Variants in IGF2R observed in about 807,000 individuals in gnomAD.
IGF2R encodes cation-independent mannose-6-phosphate receptor.
A neutral mutation model predicts 270.6 loss-of-function variants in IGF2R; 91 were observed. The ratio of observed to expected loss-of-function variants is 0.34; its 90% CI spans 0.28 to 0.40. The LOEUF (loss-of-function observed/expected upper bound fraction) is 0.40, where lower values mean the gene tolerates loss of function less well. Ranked by LOEUF, IGF2R falls within the 10% of genes least tolerant of loss-of-function variation. IGF2R has a pLI of 1.00. For synonymous variants in IGF2R, 1,316 were observed against 1,258.9 expected, an observed-to-expected ratio of 1.05 and a Z score of -0.96; for missense variants, 2,805 against 3,188.3, an observed-to-expected ratio of 0.88 and a Z score of 2.90.
chr6:159,993,869 T>C (rs1428762045), intron 2 of IGF2R, among the ~76,000 whole-genome samples: 1 of 152,142 alleles, frequency 6.6e-6, no homozygotes, highest in Non-Finnish European at 1.5e-5. Flanking sequence ...TTTGCATCTG[T>C]GTTCATTAGG....
chr6:160,064,610 C>T, intron 28 of IGF2R, 79 bp downstream of exon 28: 1 of 1,477,866 alleles, frequency 6.8e-7, no homozygotes, highest in Non-Finnish European at 9.3e-7. Flanking sequence ...AAGAATCTGT[C>T]CTCAGATCTC....
intron 9 of IGF2R, among the ~76,000 whole-genome samples, chr6:160,033,561 C>T (rs911152715): frequency 6.6e-6 from 1 of 152,234 alleles, no homozygotes; most frequent in Non-Finnish European, 1.5e-5. Context: ...TAGTAGACTT[C>T]GGCAAGTTGC....
chr6:160,044,348 C>T lies in IGF2R; in HGVS notation c.1622-166C>T, dbSNP rs8191786. Among the ~76,000 whole-genome samples the T allele has an allele frequency of 6.1e-3, 927 of 152,280 alleles. 10 individuals are homozygous for T. The highest frequency in any genetic ancestry group is 0.021 in the African/African-American group (873 of 41,564). ...ACGTGGCACTCTAGGGAAACCCATC[C>T]GCTGCCTTGGTGGGTTCAGGGGGCT... On this transcript the variant is annotated intron_variant, in intron 12 of 47. Coordinates refer to ENST00000356956, the MANE Select transcript of IGF2R (RefSeq NM_000876.4).
chr6:160,094,958 C>T (rs1779316801), intron 44 of IGF2R: 1 of 150,232 alleles, frequency 6.7e-6, no homozygotes, highest in Non-Finnish European at 1.5e-5. Flanking sequence ...TTTTGGTAAC[C>T]AACACTTCTC....
At position 160,079,484 on chromosome 6, in the gene IGF2R, A is replaced by G. The variant is rs1410689274; in HGVS notation, c.5479-96A>G. The G allele has an allele frequency of 8.3e-6, 7 of 844,518 alleles. No individual in the cohort carries two copies. The African/African-American group carries it at 1.1e-4, about 13-fold the overall frequency. The allele number at this position is 844,518 out of a possible 1,614,324, so 52.3% of individuals were successfully genotyped here. ...GAGGAGTCTTTGCTCTTCCTCATGA[A>G]CCTGCCTCCAGCATCAGCTGCAATA... On this transcript the variant is annotated intron_variant, in intron 37 of 47. Transcript: ENST00000356956.
At chr6:160,076,431 AC>A (rs1361009896) in intron 36 of IGF2R, among the ~76,000 whole-genome samples, 8 of 152,240 alleles carry the variant, frequency 5.3e-5, no homozygotes, top group Non-Finnish European at 1.2e-4. Context: ...ACAAAGTGGC[AC>A]CTTTTACTTA....
At chr6:160,076,039 T>C in intron 36 of IGF2R, 43 bp downstream of exon 36, 3 of 1,599,994 alleles carry the variant, frequency 1.9e-6, no homozygotes, top group South Asian at 2.2e-5. Context: ...AACTGCGGGT[T>C]AGTGAGCCAA....
Position 159,969,373 on chromosome 6 carries a change from G to T in IGF2R, c.127G>T (p.Ala43Ser). 1.6e-6 allele frequency: 2 copies of T among 1,282,498 alleles called. No individual in the cohort carries two copies. The highest frequency in any genetic ancestry group is 2.0e-6 in the Non-Finnish European group (2 of 1,013,672). The allele number at this position is 1,282,498 out of a possible 1,614,324, so 79.4% of individuals were successfully genotyped here. The change falls in exon 1 of 48, where the codon GCC becomes TCC. Residue 43 changes from alanine (A) to serine (S), a missense_variant. This residue lies in a region of IGF2R where 954 missense variants were observed against 981.1 expected (regional missense o/e 0.97). Coordinates refer to ENST00000356956, the MANE Select transcript of IGF2R (RefSeq NM_000876.4). ...CCCGGGGTCCACGCAGGCCCAGGCC[G>T]CCCCGTTCCCCGAGCTGTGCAGGTG... The part of the protein sequence containing the change: ...AAPGSTQAQA[A>S]PFPELCSYTW...
Position 160,094,187 on chromosome 6 carries a change from A to G in IGF2R, c.6656-2252A>G, listed in dbSNP as rs1010564457. The G allele has an allele frequency of 4.5e-5, 17 of 375,830 alleles. No individual in the cohort carries two copies. In the Admixed American group the frequency reaches 5.8e-4, roughly 13 times the overall value. The allele number at this position is 375,830 out of a possible 1,614,324, so 23.3% of individuals were successfully genotyped here. A position where few individuals can be genotyped will look rare whatever the true frequency, so the allele number is the denominator to read the frequency against. ...TGGTCTATAAACAGGGCGTTACAGA[A>G]TGGTACACCCAGTCTATTTCTTCTC... On this transcript the variant is annotated intron_variant, in intron 44 of 47. Coordinates refer to ENST00000356956, the MANE Select transcript of IGF2R (RefSeq NM_000876.4).
At chr6:160,093,341 T>G (rs1322018778) in intron 44 of IGF2R, 2 of 254,430 alleles carry the variant, frequency 7.9e-6, no homozygotes, top group Non-Finnish European at 1.5e-5. Context: ...AGGCCAGCCC[T>G]CTTTTTGGGC....
chr6:160,060,804 G>C lies in IGF2R; in HGVS notation c.3262+87G>C, dbSNP rs180896290. On this transcript the variant is annotated intron_variant, in intron 23 of 47. Transcript: ENST00000356956. ...TATGAAGGTGTGTTTCTGTGTGTAT[G>C]TATATTTGTGTGTGTGTGGTGTGTA... The C allele has an allele frequency of 2.6e-3, 3,326 of 1,295,996 alleles. 8 individuals carry two copies. Among genetic ancestry groups the C allele is most frequent in the Middle Eastern group, 5.1e-3 (21 of 4,084 alleles). The allele number at this position is 1,295,996 out of a possible 1,614,324, so 80.3% of individuals were successfully genotyped here.
chr6:160,010,616 TTCTCATTTTAAAGAA>T (rs1373970077), intron 3 of IGF2R, 56 bp from the exon 4 acceptor site: 4 of 984,796 alleles, frequency 4.1e-6, no homozygotes, highest in Non-Finnish European at 6.4e-6. Context: ...CTTTACTGCA[TTCTCATTTTAAAGAA>T]GAATCTTTAC....
chr6:160,044,221 T>G (rs902479741), intron 12 of IGF2R, among the ~76,000 whole-genome samples: 1 of 152,246 alleles, frequency 6.6e-6, no homozygotes, highest in African/African-American at 2.4e-5. Flanking sequence ...CCATTTGGTC[T>G]TTCTTGCCCT....
intron 1 of IGF2R, among the ~76,000 whole-genome samples, chr6:159,984,182 CGAGAA>C (rs1458485444): frequency 6.6e-6 from 1 of 152,154 alleles, no homozygotes; most frequent in East Asian, 1.9e-4. Flanking sequence ...ACATTAAAAA[CGAGAA>C]GAGAAGCGTT....
intron 3 of IGF2R, among the ~76,000 whole-genome samples, chr6:160,009,941 A>G (rs1381871931): frequency 6.6e-6 from 1 of 152,148 alleles, no homozygotes; most frequent in Admixed American, 6.6e-5. Flanking sequence ...AATATTGTTA[A>G]TTTTGGATCC....
chr6:160,045,235 A>G (rs538903897), intron 13 of IGF2R, among the ~76,000 whole-genome samples: 1 of 152,348 alleles, frequency 6.6e-6, no homozygotes, highest in African/African-American at 2.4e-5. Context: ...TTGGATTAAT[A>G]GCGCGTTTCC....
chr6:160,076,137 GTC>G (rs1293034040), intron 36 of IGF2R, 141 bp downstream of exon 36: 1 of 794,038 alleles, frequency 1.3e-6, no homozygotes, highest in Non-Finnish European at 2.0e-6. Context: ...CTAGTAGTGT[GTC>G]TGAATAATTT....
intron 19 of IGF2R, among the ~76,000 whole-genome samples, chr6:160,053,421 G>A (rs187494303): frequency 3.3e-5 from 5 of 151,966 alleles, no homozygotes; most frequent in African/African-American, 1.2e-4. Context: ...AATAAAAAAA[G>A]GTATTAAAAA....
rs148344348 is a variant in IGF2R, at chr6:159,991,236, A to T, written c.202A>T (p.Ile68Phe). Residue 68 changes from isoleucine to phenylalanine, a missense_variant, in exon 2 of 48, where the codon ATC (isoleucine) becomes TTC (phenylalanine). By Grantham distance (21) the Ile-to-Phe change is conservative. Coordinates refer to ENST00000356956, the MANE Select transcript of IGF2R (RefSeq NM_000876.4). ...TKNNVLYKIN[I>F]CGSVDIVQCG... The stretch of plus-strand genomic sequence containing the variant: ...AAATAATGTACTTTATAAAATCAAC[A>T]TCTGTGGAAGTGTGGATATTGTCCA... 1 of 1,613,748 alleles carries T rather than the reference A, an allele frequency of 6.2e-7. No homozygotes were observed.
Sources: allele counts gnomAD v4.1 joint callset (sites outside exome capture counted in the v4.1 genomes callset), GRCh38; gene constraint gnomAD v4.1.1; regional missense constraint gnomAD v4.1.1; transcripts MANE v1.5; gene names NCBI Gene and HGNC (gene_info 2026-07-23, HGNC 2026-07-21).